The following ARRB1 variants were observed in gnomAD, a reference collection of about 807,000 sequenced individuals.
The protein encoded by ARRB1 is arrestin beta 1.
Under a neutral mutation model 56.8 loss-of-function variants are expected in ARRB1, and 21 were observed. The observed-to-expected ratio is 0.37, with a 90% confidence interval of 0.26 to 0.53. The LOEUF is 0.53. Among genes scored for constraint, ARRB1 ranks in the 20% least tolerant of loss-of-function variants. The pLI is 0.88. For missense variants in ARRB1, 424 were observed against 553.7 expected (o/e 0.77, Z 2.35); for synonymous variants, 210 against 218.6 (o/e 0.96, Z 0.35).
At chr11:75,316,811 T>C (rs1256874882) in intron 1 of ARRB1, among the ~76,000 whole-genome samples, 4 of 152,092 alleles carry the variant, frequency 2.6e-5, no homozygotes, top group African/African-American at 9.7e-5. Context: ...CTCACGCCTG[T>C]AATCCCAGCA....
chr11:75,351,644 C>A lies in ARRB1; in HGVS notation c.-37G>T. 7.4e-7 allele frequency: 1 copy of A among 1,352,298 alleles called. No homozygotes were observed. Among genetic ancestry groups the A allele is most frequent in the Non-Finnish European group, 9.5e-7 (1 of 1,049,392 alleles). 83.8% of individuals were successfully genotyped at this position (1,352,298 alleles called of 1,614,324 possible). On this transcript the variant is annotated 5_prime_UTR_variant, in exon 1 of 16. Coordinates refer to ENST00000420843, the MANE Select transcript of ARRB1 (RefSeq NM_004041.5). ...GTCGCAGGGAGGTCCGCGGCGTCAG[C>A]GCCCAGGCTGGAAAATCCCCAGCCA... is the stretch of plus-strand genomic sequence containing the variant.
In ARRB1 at chr11:75,263,825, G is replaced by A. The variant is rs1167398964; in HGVS notation, c.*2338C>T. ...ATAACACTGGGCTAAACCCAAAAGG[G>A]TGAGCGTGATGTTGAGGTGCAGGAG... On this transcript the variant is annotated 3_prime_UTR_variant, in exon 16 of 16. Transcript: ENST00000420843. Among the ~76,000 whole-genome samples the A allele has an allele frequency of 6.6e-6, 1 of 152,288 alleles. No individual in the cohort carries two copies. Among genetic ancestry groups the A allele is most frequent in the East Asian group, 1.9e-4 (1 of 5,192 alleles).
intron 6 of ARRB1, 196 bp downstream of exon 6, chr11:75,281,764 AGT>A (rs1377463862): frequency 7.8e-5 from 47 of 602,178 alleles, no homozygotes; most frequent in South Asian, 7.6e-4. Context: ...TGAATGGGAG[AGT>A]GAGGCTGACC....
intron 11 of ARRB1, 142 bp downstream of exon 11, chr11:75,273,932 G>C (rs1946132870): frequency 2.3e-6 from 3 of 1,327,328 alleles, no homozygotes; most frequent in Non-Finnish European, 3.1e-6. Flanking sequence ...TCCCTGACAA[G>C]TCAAGCACCT....
rs35323331 is a variant in ARRB1, at chr11:75,305,018, C to CTTT, written c.21-14982_21-14980dup. 9.0e-3 allele frequency among the ~76,000 whole-genome samples: 777 copies of CTTT among 86,724 alleles called. 1 individual carries two copies. Among genetic ancestry groups the CTTT allele is most frequent in the Non-Finnish European group, 0.012 (549 of 44,708 alleles). 56.9% of individuals were successfully genotyped at this position (86,724 alleles called of 152,430 possible). A position where few individuals can be genotyped will look rare whatever the true frequency, so the allele number is the denominator to read the frequency against. Reference sequence around the variant, plus strand: ...TTCTTTTCTTTTCTTTTCTTTCTTTCTTTTTTTTTTTTTTTTTTTTTTGAG... The same window carrying CTTT: ...TTCTTTTCTTTTCTTTTCTTTCTTTCTTTTTTTTTTTTTTTTTTTTTTTTTGAG... On this transcript the variant is annotated intron_variant, in intron 1 of 15. Transcript: ENST00000420843.
chr11:75,276,099 TA>T (rs1337292211), intron 10 of ARRB1, among the ~76,000 whole-genome samples: 1 of 152,220 alleles, frequency 6.6e-6, no homozygotes, highest in African/African-American at 2.4e-5. Flanking sequence ...AGTAACATTT[TA>T]AAAATATTTT....
intron 1 of ARRB1, chr11:75,303,597 A>T (rs1164129587): frequency 8.8e-6 from 4 of 455,820 alleles, no homozygotes. Flanking sequence ...GGCTGTTTTT[A>T]CCTGCAGAAG....
At chr11:75,332,337 G>GC (rs1437305184) in intron 1 of ARRB1, among the ~76,000 whole-genome samples, 1 of 152,186 alleles carries the variant, frequency 6.6e-6, no homozygotes, top group Non-Finnish European at 1.5e-5. Context: ...GCCATCCTTA[G>GC]TGGGGGAAAA....
chr11:75,321,268 C>A lies in ARRB1; in HGVS notation c.20+30320G>T, dbSNP rs141824154. 7.5e-4 allele frequency among the ~76,000 whole-genome samples: 110 copies of A among 147,084 alleles called. 3 individuals are homozygous for A. The Middle Eastern group carries it at 0.014, about 19-fold the overall frequency. On this transcript the variant is annotated intron_variant, in intron 1 of 15. Transcript: ENST00000420843. ...AAATCCCACCCCATTCCTGCTCACC[C>A]CCCCCCACCACCATCCCCCCACCTC...
At chr11:75,266,665 G>A (rs1235463727) in intron 15 of ARRB1, among the ~76,000 whole-genome samples, 1 of 152,172 alleles carries the variant, frequency 6.6e-6, no homozygotes, top group Non-Finnish European at 1.5e-5. Flanking sequence ...TTCACAGCAT[G>A]TTCTGAATCC....
At chr11:75,343,187 C>T (rs1022523800) in intron 1 of ARRB1, among the ~76,000 whole-genome samples, 1 of 151,886 alleles carries the variant, frequency 6.6e-6, no homozygotes, top group African/African-American at 2.4e-5. Flanking sequence ...ATAACCAGGA[C>T]CTATGCAGGG....
intron 1 of ARRB1, among the ~76,000 whole-genome samples, chr11:75,350,091 T>C (rs1208872951): frequency 6.6e-6 from 1 of 152,228 alleles, no homozygotes; most frequent in African/African-American, 2.4e-5. Context: ...TTTCTAAACA[T>C]TAAGAGCCTG....
At chr11:75,311,660 G>T (rs1409532762) in intron 1 of ARRB1, among the ~76,000 whole-genome samples, 5 of 152,132 alleles carry the variant, frequency 3.3e-5, no homozygotes, top group African/African-American at 1.2e-4. Flanking sequence ...CCCTCCACCT[G>T]CCACACACAG....
chr11:75,285,672 C>T (rs1388881406), intron 3 of ARRB1, among the ~76,000 whole-genome samples: 2 of 152,090 alleles, frequency 1.3e-5, no homozygotes, highest in African/African-American at 2.4e-5. Flanking sequence ...CAGCTCTGCA[C>T]AGTGCCCCAG....
rs551328428 is a variant in ARRB1 at position 75,319,263 on chromosome 11, G to GC, written c.21-29225dup. Among the ~76,000 whole-genome samples, 10 of 152,196 alleles carry GC rather than the reference G, an allele frequency of 6.6e-5. No homozygotes were observed. In the South Asian group the frequency reaches 2.1e-3, roughly 32 times the overall value. ...CTCAAGCCCTGGGGAGCCCTGGCAA[G>GC]CCCCCAGGATCCTCCCCTTCCACTG... On this transcript the variant is annotated intron_variant, in intron 1 of 15. Transcript: ENST00000420843.
At chr11:75,335,736 C>G (rs1449822444) in intron 1 of ARRB1, among the ~76,000 whole-genome samples, 1 of 152,102 alleles carries the variant, frequency 6.6e-6, no homozygotes, top group Non-Finnish European at 1.5e-5. Flanking sequence ...AATCCTGGGC[C>G]TGGAATCCTG....
At position 75,281,979 on chromosome 11, in the gene ARRB1, G is replaced by A; in HGVS notation, c.397C>T (p.Pro133Ser). Reference sequence around the variant, plus strand: ...TGACCTACCTTCCCCGTGTCTTCGGGCCCCGGCTGCAGTGTCACAGAACAT... The same window carrying A: ...TGACCTACCTTCCCCGTGTCTTCGGACCCCGGCTGCAGTGTCACAGAACAT... ...LPCSVTLQPG[P>S]EDTGKACGVD... Residue 133 changes from proline to serine, a missense_variant, in exon 6 of 16, where the codon CCC becomes TCC. Pro to Ser is a moderately conservative substitution (Grantham distance 74). Coordinates refer to ENST00000420843, the MANE Select transcript of ARRB1 (RefSeq NM_004041.5). The A allele has an allele frequency of 6.2e-7, 1 of 1,614,144 alleles. No individual in the cohort carries two copies. Among genetic ancestry groups the A allele is most frequent in the South Asian group, 1.1e-5 (1 of 91,086 alleles).
intron 1 of ARRB1, among the ~76,000 whole-genome samples, chr11:75,297,520 C>A (rs1263549275): frequency 2.0e-5 from 3 of 151,814 alleles, no homozygotes; most frequent in Admixed American, 1.3e-4. Context: ...ACTGGATAGT[C>A]GCACAAAAAA....
intron 1 of ARRB1, chr11:75,306,459 T>C: frequency 1.6e-6 from 1 of 624,798 alleles, no homozygotes. Flanking sequence ...CAGGAAGCAC[T>C]CAATGCACAT....
Sources: gnomAD v4.1 joint callset for allele counts (sites outside exome capture counted in the v4.1 genomes callset) on GRCh38, gnomAD v4.1.1 for gene constraint, MANE v1.5 for transcripts, NCBI Gene and HGNC (gene_info 2026-07-23, HGNC 2026-07-21) for gene names.